The following LTBP1 variants were observed in gnomAD, a reference collection of about 807,000 sequenced individuals.
The protein encoded by LTBP1 is latent transforming growth factor beta binding protein 1.
Under a neutral mutation model 207.6 loss-of-function variants are expected in LTBP1, and 129 were observed. The observed-to-expected ratio is 0.62, with a 90% CI of 0.54 to 0.72. The LOEUF is 0.72. Among genes scored for constraint, LTBP1 ranks in the 30% least tolerant of loss-of-function variants. LTBP1 has a pLI of 0.00. For missense variants in LTBP1, 2,281 were observed against 2,217.2 expected, an observed-to-expected ratio of 1.03 and a Z score of -0.58; for synonymous variants, 963 against 833.7, an observed-to-expected ratio of 1.16 and a Z score of -2.67.
At chr2:32,991,576 G>C (rs1276358618) in intron 2 of LTBP1, among the ~76,000 whole-genome samples, 1 of 152,224 alleles carries the variant, frequency 6.6e-6, no homozygotes, top group Non-Finnish European at 1.5e-5. Flanking sequence ...TCACAGTTGA[G>C]TGATACATTG....
intron 9 of LTBP1, among the ~76,000 whole-genome samples, chr2:33,223,982 G>A (rs1375787883): frequency 6.6e-6 from 1 of 152,114 alleles, no homozygotes; most frequent in Non-Finnish European, 1.5e-5. Context: ...CGGTGTCGAG[G>A]GGCTAAAACT....
chr2:33,229,339 G>T (rs986436067), intron 9 of LTBP1, among the ~76,000 whole-genome samples: 2 of 151,870 alleles, frequency 1.3e-5, no homozygotes, highest in African/African-American at 4.8e-5. Context: ...GCTGGGTGTG[G>T]TGGTGCATGC....
At chr2:33,242,685 TAAA>T (rs200164588) in intron 9 of LTBP1, among the ~76,000 whole-genome samples, 26 of 138,214 alleles carry the variant, frequency 1.9e-4, no homozygotes, top group Non-Finnish European at 2.3e-4. Context: ...CAGTTGTTCT[TAAA>T]AAAAAAAAAA....
intron 3 of LTBP1, among the ~76,000 whole-genome samples, chr2:33,024,071 GA>G (rs1198430884): frequency 2.0e-5 from 3 of 152,294 alleles, no homozygotes; most frequent in African/African-American, 7.2e-5. Context: ...CTATCATCTT[GA>G]TCACTTATTC....
rs967544489 is a variant in LTBP1 at position 33,187,198 on chromosome 2, T to C, written c.1426+118T>C. On this transcript the variant is annotated intron_variant, in intron 6 of 33. Transcript: ENST00000404816. ...ATTGAAACAGAAAGGAGTACATGAT[T>C]TGTGGCCTGAGAAATGGCAGTAGAG... The C allele has an allele frequency of 8.7e-6, 7 of 800,260 alleles. No individual in the cohort carries two copies. The South Asian group carries it at 1.2e-4, about 14-fold the overall frequency. 49.6% of individuals were successfully genotyped at this position (800,260 alleles called of 1,614,324 possible). A position where few individuals can be genotyped will look rare whatever the true frequency, so the allele number is the denominator to read the frequency against.
chr2:33,389,213 G>A lies in LTBP1; in HGVS notation c.4741G>A (p.Val1581Met), dbSNP rs146752637. ...CTATGCTCAGCTGTGTAACATCCCC[G>A]TGACGGGACGCCGGCAGCCATATGG... Reference protein sequence around the residue: ...DDYAQLCNIPVTGRRQPYGRD... With the variant: ...DDYAQLCNIPMTGRRQPYGRD... Residue 1581 changes from valine (V) to methionine (M), a missense_variant, in exon 32 of 34, where the codon GTG becomes ATG. By Grantham distance (21) the Val-to-Met change is conservative. This residue lies in a region of LTBP1 where 1,671 missense variants were observed against 1,634.8 expected (regional missense o/e 1.02). Coordinates refer to ENST00000404816, the MANE Select transcript of LTBP1 (RefSeq NM_206943.4). The A allele has an allele frequency of 8.1e-6, 13 of 1,614,006 alleles. No homozygotes were observed. Among genetic ancestry groups the A allele is most frequent in the South Asian group, 7.7e-5 (7 of 91,084 alleles).
intron 8 of LTBP1, among the ~76,000 whole-genome samples, chr2:33,219,537 A>G (rs1487174468): frequency 1.3e-5 from 2 of 150,732 alleles, no homozygotes; most frequent in African/African-American, 4.9e-5. Flanking sequence ...AGGCGTTGCC[A>G]TCTTTTTTTT....
Position 33,330,716 on chromosome 2 carries a change from C to A in LTBP1, c.3731-12122C>A, listed in dbSNP as rs75215926. Among the ~76,000 whole-genome samples, 905 of 149,360 alleles carry A rather than the reference C, an allele frequency of 6.1e-3. 8 individuals are homozygous for A. Among genetic ancestry groups the A allele is most frequent in the African/African-American group, 0.022 (873 of 40,534 alleles). ...TTATAGCAGTCTAAGCTTCAGTAAT[C>A]TAGGGCTGATAATACAGGTCTATAA... On this transcript the variant is annotated intron_variant, in intron 24 of 33. Transcript: ENST00000404816.
chr2:33,223,153 G>A (rs913725765), intron 9 of LTBP1, among the ~76,000 whole-genome samples: 1 of 152,102 alleles, frequency 6.6e-6, no homozygotes, highest in African/African-American at 2.4e-5. Context: ...TCATGTCAAA[G>A]GAATATCTTG....
intron 3 of LTBP1, among the ~76,000 whole-genome samples, chr2:33,055,196 G>A (rs1338906859): frequency 2.0e-5 from 3 of 152,146 alleles, no homozygotes; most frequent in Non-Finnish European, 4.4e-5. Context: ...CAGGGCCCAG[G>A]GCTTGCCTTT....
chr2:33,061,811 TG>T (rs1227668952), intron 3 of LTBP1, among the ~76,000 whole-genome samples: 1 of 152,156 alleles, frequency 6.6e-6, no homozygotes, highest in African/African-American at 2.4e-5. Context: ...TCAATTCTGT[TG>T]GGTAAGTACC....
At chr2:33,031,535 A>G (rs1297164681) in intron 3 of LTBP1, among the ~76,000 whole-genome samples, 3 of 152,378 alleles carry the variant, frequency 2.0e-5, no homozygotes, top group Non-Finnish European at 4.4e-5. Context: ...ATAAGCTGCT[A>G]AACTATGTGG....
At chr2:33,247,848 C>T (rs1017472927) in intron 10 of LTBP1, among the ~76,000 whole-genome samples, 1 of 152,208 alleles carries the variant, frequency 6.6e-6, no homozygotes, top group Non-Finnish European at 1.5e-5. Context: ...TCCTTTTTGG[C>T]AAGCCAAATG....
intron 10 of LTBP1, among the ~76,000 whole-genome samples, chr2:33,250,896 C>G (rs753690617): frequency 1.4e-4 from 22 of 152,188 alleles, no homozygotes; most frequent in Non-Finnish European, 2.5e-4. Flanking sequence ...GCTGCTAACA[C>G]CAGCATGGAC....
chr2:33,275,245 A>G lies in LTBP1; in HGVS notation c.2869+155A>G, dbSNP rs548681262. On this transcript the variant is annotated intron_variant, in intron 17 of 33. Transcript: ENST00000404816. ...CTGCTAGATCCCAGGTGATATAAAA[A>G]TGGATTTTTTTCCCCTAACATTTTT... 9.8e-4 allele frequency among the ~76,000 whole-genome samples: 150 copies of G among 152,364 alleles called. No individual in the cohort carries two copies. Among genetic ancestry groups the G allele is most frequent in the African/African-American group, 3.4e-3 (141 of 41,590 alleles).
intron 15 of LTBP1, among the ~76,000 whole-genome samples, chr2:33,268,513 A>C (rs2093240639): frequency 6.6e-6 from 1 of 152,260 alleles, no homozygotes; most frequent in Non-Finnish European, 1.5e-5. Context: ...AGTGAGCCAC[A>C]TATCTGCAGG....
rs1233272719 is a variant in LTBP1 at position 32,947,705 on chromosome 2, A to G, written c.381A>G (p.Ala127=). ...QLHPNPGGHP[A]AAPFTKQGRQ... is the part of the protein sequence containing the mutation. ...ACCCCAATCCCGGCGGCCACCCGGC[A>G]GCCGCCCCGTTCACCAAACAAGGCA... Residue 127 remains alanine (A), a synonymous_variant, in exon 1 of 34, where the codon GCA becomes GCG. Transcript: ENST00000404816. 6.6e-7 allele frequency: 1 copy of G among 1,525,362 alleles called. No individual in the cohort carries two copies. The highest frequency in any genetic ancestry group is 1.2e-5 in the South Asian group (1 of 81,530). The allele number at this position is 1,525,362 out of a possible 1,614,324, so 94.5% of individuals were successfully genotyped here.
At chr2:32,952,210 A>G (rs1467055374) in intron 2 of LTBP1, among the ~76,000 whole-genome samples, 1 of 152,242 alleles carries the variant, frequency 6.6e-6, no homozygotes, top group Non-Finnish European at 1.5e-5. Context: ...ACCATGATCA[A>G]ATGCTTCTGA....
At chr2:33,114,913 A>G (rs537393913) in intron 4 of LTBP1, among the ~76,000 whole-genome samples, 173 of 152,244 alleles carry the variant, frequency 1.1e-3, no homozygotes, top group African/African-American at 4.1e-3. Flanking sequence ...AAAAGAATTG[A>G]AAACATATGT....
Sources: gnomAD v4.1 joint callset for allele counts (sites outside exome capture counted in the v4.1 genomes callset) on GRCh38, gnomAD v4.1.1 for gene constraint, gnomAD v4.1.1 regional missense constraint, MANE v1.5 for transcripts, NCBI Gene and HGNC (gene_info 2026-07-23, HGNC 2026-07-21) for gene names.